IMMP2L: variants seen among roughly 807,000 people sequenced by gnomAD.
IMMP2L encodes inner mitochondrial membrane peptidase subunit 2.
In IMMP2L, 18 loss-of-function variants were observed where a neutral mutation model predicts 19.3. The ratio of observed to expected loss-of-function variants is 0.93; its 90% CI spans 0.64 to 1.38. IMMP2L has a LOEUF of 1.38. IMMP2L is among the 40% of genes most tolerant of loss of function. The probability of loss-of-function intolerance (pLI) is 0.00; values close to 1 mark genes in which losing one functional copy is unlikely to be tolerated. For missense variants in IMMP2L, 233 were observed against 218.2 expected (o/e 1.07, Z -0.43); for synonymous variants, 76 against 73.0 (o/e 1.04, Z -0.21).
intron 3 of IMMP2L, among the ~76,000 whole-genome samples, chr7:111,449,229 T>C (rs1838871135): frequency 6.9e-6 from 1 of 144,362 alleles, no homozygotes; most frequent in South Asian, 2.2e-4. Flanking sequence ...ATCATTCTGA[T>C]ACCAAAGCCG....
chr7:111,272,643 G>A (rs1313313706), intron 3 of IMMP2L, among the ~76,000 whole-genome samples: 1 of 152,164 alleles, frequency 6.6e-6, no homozygotes, highest in Non-Finnish European at 1.5e-5. Flanking sequence ...TGTTAATAGA[G>A]AAGAGGAGCA....
At chr7:111,516,870 C>T (rs779804876) in intron 2 of IMMP2L, among the ~76,000 whole-genome samples, 1 of 152,040 alleles carries the variant, frequency 6.6e-6, no homozygotes, top group Non-Finnish European at 1.5e-5. Flanking sequence ...CCCCAGCAGA[C>T]CAAGGTGAGT....
chr7:111,252,831 T>C lies in IMMP2L; in HGVS notation c.239+234407A>G, dbSNP rs140140461. Among the ~76,000 whole-genome samples the C allele has an allele frequency of 3.7e-3, 565 of 152,274 alleles. 4 individuals are homozygous for C. Among genetic ancestry groups the C allele is most frequent in the African/African-American group, 0.012 (515 of 41,560 alleles). ...GAAAATGACATTTTCTATTGCATAT[T>C]CTAAAACCTTAGAGTTTTACTCAAC... On this transcript the variant is annotated intron_variant, in intron 3 of 5. Transcript: ENST00000405709.
rs558959779 is a variant in IMMP2L at position 111,249,646 on chromosome 7, A to G, written c.239+237592T>C. 7.2e-5 allele frequency among the ~76,000 whole-genome samples: 11 copies of G among 152,332 alleles called. No homozygotes were observed. In the East Asian group the frequency reaches 1.3e-3, roughly 19 times the overall value. On this transcript the variant is annotated intron_variant, in intron 3 of 5. Coordinates refer to ENST00000405709, the MANE Select transcript of IMMP2L (RefSeq NM_032549.4). ...ATTTGTAATTCATCACATAAACAGA[A>G]CTAAAGGCAAAAAACACATGATTAT...
intron 5 of IMMP2L, among the ~76,000 whole-genome samples, chr7:110,666,712 C>T (rs1791481074): frequency 6.6e-6 from 1 of 152,146 alleles, no homozygotes; most frequent in African/African-American, 2.4e-5. Flanking sequence ...CATATTTTAT[C>T]TCCCTTCTTC....
chr7:111,453,405 C>T (rs1839398803), intron 3 of IMMP2L, among the ~76,000 whole-genome samples: 1 of 152,108 alleles, frequency 6.6e-6, no homozygotes, highest in African/African-American at 2.4e-5. Context: ...CAGCACGGCC[C>T]TTCAAAAACC....
chr7:111,089,065 A>G (rs1484755579), intron 3 of IMMP2L, among the ~76,000 whole-genome samples: 1 of 152,174 alleles, frequency 6.6e-6, no homozygotes, highest in Admixed American at 6.5e-5. Context: ...CAGGAAGAGC[A>G]CTCTGATCTC....
chr7:111,560,464 G>A (rs1791908609), intron 1 of IMMP2L, among the ~76,000 whole-genome samples: 1 of 151,848 alleles, frequency 6.6e-6, no homozygotes, highest in Non-Finnish European at 1.5e-5. Context: ...TATTATACTC[G>A]TACACTGGAA....
chr7:110,993,027 T>A (rs1822652623), intron 3 of IMMP2L, among the ~76,000 whole-genome samples: 1 of 152,192 alleles, frequency 6.6e-6, no homozygotes, highest in Non-Finnish European at 1.5e-5. Context: ...AACCTAATCT[T>A]GTTATATGAA....
intron 3 of IMMP2L, among the ~76,000 whole-genome samples, chr7:110,970,758 T>C (rs1820062914): frequency 6.6e-6 from 1 of 152,108 alleles, no homozygotes; most frequent in Admixed American, 6.6e-5. Flanking sequence ...TTTCAACCCC[T>C]CATCCAAACT....
At chr7:111,167,011 A>G (rs1219532608) in intron 3 of IMMP2L, among the ~76,000 whole-genome samples, 2 of 151,858 alleles carry the variant, frequency 1.3e-5, no homozygotes, top group Non-Finnish European at 2.9e-5. Context: ...CATCATTCGG[A>G]GGGGGGGCAG....
At chr7:111,487,459 T>C in intron 2 of IMMP2L, 118 bp from the exon 3 acceptor site, 1 of 568,236 alleles carries the variant, frequency 1.8e-6, no homozygotes, top group Non-Finnish European at 3.1e-6. Flanking sequence ...TACCTTTCTA[T>C]AAATTGCTGT....
At chr7:110,778,288 G>C (rs1799525736) in intron 5 of IMMP2L, among the ~76,000 whole-genome samples, 1 of 151,852 alleles carries the variant, frequency 6.6e-6, no homozygotes, top group South Asian at 2.1e-4. Context: ...TTAAAGAAAA[G>C]AGTGTATTAA....
intron 5 of IMMP2L, among the ~76,000 whole-genome samples, chr7:110,826,960 G>A (rs967826437): frequency 3.3e-5 from 5 of 151,970 alleles, no homozygotes; most frequent in Non-Finnish European, 7.4e-5. Context: ...ATATGATGGG[G>A]ATGAAAACAA....
At chr7:111,364,513 T>G (rs1051865220) in intron 3 of IMMP2L, among the ~76,000 whole-genome samples, 2 of 151,644 alleles carry the variant, frequency 1.3e-5, no homozygotes, top group Non-Finnish European at 2.9e-5. Flanking sequence ...GAGGATGCTA[T>G]AGTCCCAGCT....
chr7:111,175,839 C>T (rs561151349), intron 3 of IMMP2L, among the ~76,000 whole-genome samples: 3 of 152,022 alleles, frequency 2.0e-5, no homozygotes, highest in Non-Finnish European at 2.9e-5. Context: ...AGTGAACAGA[C>T]ATCCCACAGG....
chr7:111,128,997 C>G (rs1319143947), intron 3 of IMMP2L, among the ~76,000 whole-genome samples: 1 of 152,144 alleles, frequency 6.6e-6, no homozygotes, highest in African/African-American at 2.4e-5. Flanking sequence ...AACCAACTTA[C>G]TCTATCCACA....
intron 3 of IMMP2L, among the ~76,000 whole-genome samples, chr7:111,313,239 A>C (rs2130327025): frequency 6.6e-6 from 1 of 152,190 alleles, no homozygotes; most frequent in South Asian, 2.1e-4. Context: ...CCATCCAATA[A>C]AAGGAAATAA....
At chr7:111,215,003 C>A (rs549114710) in intron 3 of IMMP2L, among the ~76,000 whole-genome samples, 2 of 152,208 alleles carry the variant, frequency 1.3e-5, no homozygotes, top group South Asian at 4.1e-4. Context: ...AAAACCAGTT[C>A]TTGCAAAACT....
Sources: allele counts gnomAD v4.1 joint callset (sites outside exome capture counted in the v4.1 genomes callset), GRCh38; gene constraint gnomAD v4.1.1; transcripts MANE v1.5; gene names NCBI Gene and HGNC (gene_info 2026-07-23, HGNC 2026-07-21).